Variants in SSRP1 observed in about 807,000 individuals in gnomAD.
SSRP1 encodes the protein structure specific recognition protein 1.
In SSRP1, 21 loss-of-function variants were observed where a neutral mutation model predicts 84.4. The ratio of observed to expected loss-of-function variants is 0.25; its 90% CI spans 0.18 to 0.36. SSRP1 has a LOEUF of 0.36. Ranked by LOEUF, SSRP1 falls within the 10% of genes least tolerant of loss-of-function variation. SSRP1 has a pLI of 1.00. For missense variants in SSRP1, 519 were observed against 900.8 expected, an observed-to-expected ratio of 0.58 and a Z score of 5.43; for synonymous variants, 319 against 318.3, an observed-to-expected ratio of 1.00 and a Z score of -0.02.
intron 13 of SSRP1, 116 bp from the exon 14 acceptor site, chr11:57,327,998 C>T (rs1426907472): frequency 2.5e-5 from 32 of 1,300,014 alleles, no homozygotes; most frequent in Middle Eastern, 2.0e-4. Context: ...TAGCATCAGG[C>T]GAGACGAGAG....
chr11:57,330,723 T>C lies in SSRP1; in HGVS notation c.1296+132A>G, dbSNP rs567255132. ...AACCTGCACCAGGAGGGGGAAAGGG[T>C]CACACGCACCTCTTTTTTCTATAAG... On this transcript the variant is annotated intron_variant, in intron 10 of 16. Coordinates refer to ENST00000278412, the MANE Select transcript of SSRP1 (RefSeq NM_003146.3). This position sits in a 1 kb window ranked among gnomAD's most constrained non-coding sequence, Gnocchi z 4.0. The C allele has an allele frequency of 6.6e-7, 1 of 1,513,898 alleles. No homozygotes were observed. Among genetic ancestry groups the C allele is most frequent in the Non-Finnish European group, 8.8e-7 (1 of 1,131,544 alleles). The allele number at this position is 1,513,898 out of a possible 1,614,324, so 93.8% of individuals were successfully genotyped here.
At position 57,326,765 on chromosome 11, in the gene SSRP1, C is replaced by T. The variant is rs1463672036; in HGVS notation, c.1996G>A (p.Val666Met). 2 of 1,614,150 alleles carry T rather than the reference C, an allele frequency of 1.2e-6. No homozygotes were observed. Among genetic ancestry groups the T allele is most frequent in the Non-Finnish European group, 1.7e-6 (2 of 1,180,052 alleles). ...LSESFKSKEF[V>M]SSDESSSGEN... is the part of the protein sequence containing the mutation. ...CCCGAAGAGCTCTCATCACTAGACA[C>T]AAACTCTTTGCTCTTGAAGCTCTCG... Residue 666 changes from valine to methionine, a missense_variant, in exon 16 of 17, where the codon GTG becomes ATG. By Grantham distance (21) the Val-to-Met change is conservative. Around this residue, in one of 7 missense-constraint regions of SSRP1, gnomAD observed 197 missense variants for 265.0 expected, o/e 0.74. Transcript: ENST00000278412.
chr11:57,327,737 T>G lies in SSRP1; in HGVS notation c.1757A>C (p.Lys586Thr). 6.2e-7 allele frequency: 1 copy of G among 1,614,102 alleles called. No homozygotes were observed. The highest frequency in any genetic ancestry group is 8.5e-7 in the Non-Finnish European group (1 of 1,180,022). ...DLSKKAGEIW[K>T]GMSKEKKEEW... ...CTCTTTCTTCTCTTTGGACATTCCC[T>G]TCCAGATCTCGCCTGCCTTCTTGGA... is the stretch of plus-strand genomic sequence containing the variant. Residue 586 changes from lysine to threonine, a missense_variant, in exon 14 of 17, where the codon AAG (lysine) becomes ACG (threonine). By Grantham distance (78) the Lys-to-Thr change is moderately conservative. Coordinates refer to ENST00000278412, the MANE Select transcript of SSRP1 (RefSeq NM_003146.3).
chr11:57,327,307 C>G (rs1168161304), intron 15 of SSRP1, 119 bp downstream of exon 15: 8 of 1,047,036 alleles, frequency 7.6e-6, no homozygotes, highest in Non-Finnish European at 1.2e-5. Context: ...GAAGCACTAC[C>G]CTACTGCAGT....
chr11:57,326,107 A>G lies in SSRP1; in HGVS notation c.*300T>C. 2.4e-6 allele frequency: 1 copy of G among 422,338 alleles called. No individual in the cohort carries two copies. 26.2% of individuals were successfully genotyped at this position (422,338 alleles called of 1,614,324 possible). On this transcript the variant is annotated 3_prime_UTR_variant, in exon 17 of 17. Coordinates refer to ENST00000278412, the MANE Select transcript of SSRP1 (RefSeq NM_003146.3). ...GCCTCACATGACCCCTGCTCCAGCA[A>G]CTTGAACAGGACAAGCAGCAGCTAC...
In SSRP1 at chr11:57,335,572, T is replaced by G. The variant is rs1265984278; in HGVS notation, c.-120+158A>C. 5.1e-6 allele frequency: 1 copy of G among 195,456 alleles called. No individual in the cohort carries two copies. The highest frequency in any genetic ancestry group is 2.3e-5 in the African/African-American group (1 of 43,590). 12.1% of individuals were successfully genotyped at this position (195,456 alleles called of 1,614,324 possible). A position where few individuals can be genotyped will look rare whatever the true frequency, so the allele number is the denominator to read the frequency against. ...GAGTGCAGGGTTTCCCTCGCACCGC[T>G]CCCACCACCCCGCGGCCCCAGACCC... On this transcript the variant is annotated intron_variant, in intron 1 of 16. Transcript: ENST00000278412. This position sits in a 1 kb window ranked among gnomAD's most constrained non-coding sequence, Gnocchi z 4.6.
In SSRP1 at chr11:57,326,868, C is replaced by T; in HGVS notation, c.1893G>A (p.Lys631=). ...TCTTTTCCATCTTTACCTTTACTTT[C>T]TTCTTCTTCTTTGACTTGTCCCTGT... The part of the protein sequence containing the change: ...SSKRDKSKKK[K]KVKVKMEKKS... The change falls in exon 16 of 17, where the codon AAG becomes AAA. Residue 631 remains lysine, a synonymous_variant. Transcript: ENST00000278412. The T allele has an allele frequency of 6.2e-7, 1 of 1,604,170 alleles. No individual in the cohort carries two copies. Among genetic ancestry groups the T allele is most frequent in the Non-Finnish European group, 8.5e-7 (1 of 1,174,962 alleles).
rs781259473 is a variant in SSRP1 at position 57,332,718 on chromosome 11, C to A, written c.675G>T (p.Leu225=). The A allele has an allele frequency of 9.3e-6, 15 of 1,613,942 alleles. No individual in the cohort carries two copies. Among genetic ancestry groups the A allele is most frequent in the Non-Finnish European group, 1.3e-5 (15 of 1,180,048 alleles). Residue 225 remains leucine, a synonymous_variant, in exon 6 of 17, where the codon CTG becomes CTT. Coordinates refer to ENST00000278412, the MANE Select transcript of SSRP1 (RefSeq NM_003146.3). This position sits in a 1 kb window ranked among gnomAD's most constrained non-coding sequence, Gnocchi z 5.5. ...TCTTGTAGTCAAAGGTCTTGCCATG[C>A]AGGTGCAGAAAGGTGGGGTAGATCC... The part of the protein sequence containing the change: ...DIRIYPTFLH[L]HGKTFDYKIP...
rs778729316 is a variant in SSRP1 at position 57,326,368 on chromosome 11, G to C, written c.*39C>G. ...CAAAATATGGGTGGGGAGTCGGGGG[G>C]TGTGAGAAGGCAAGCGCAAAGAGAA... is the stretch of plus-strand genomic sequence containing the variant. On this transcript the variant is annotated 3_prime_UTR_variant, in exon 17 of 17. Transcript: ENST00000278412. The C allele has an allele frequency of 1.3e-6, 2 of 1,595,396 alleles. No individual in the cohort carries two copies. Among genetic ancestry groups the C allele is most frequent in the Non-Finnish European group, 1.7e-6 (2 of 1,163,680 alleles).
At position 57,326,291 on chromosome 11, in the gene SSRP1, GT is replaced by G; in HGVS notation, c.*115del. The stretch of plus-strand genomic sequence containing the variant: ...GACATACACACCAACAGGAGAGCAT[GT>G]TCAGATGGCACAGAATCCAGGGACT... On this transcript the variant is annotated 3_prime_UTR_variant, in exon 17 of 17. Coordinates refer to ENST00000278412, the MANE Select transcript of SSRP1 (RefSeq NM_003146.3). The G allele has an allele frequency of 1.0e-6, 1 of 987,034 alleles. No homozygotes were observed. The highest frequency in any genetic ancestry group is 1.6e-6 in the Non-Finnish European group (1 of 632,228). The allele number at this position is 987,034 out of a possible 1,614,324, so 61.1% of individuals were successfully genotyped here.
intron 3 of SSRP1, 24 bp downstream of exon 3, chr11:57,334,439 G>A (rs753479164): frequency 6.2e-6 from 10 of 1,611,056 alleles, no homozygotes; most frequent in Non-Finnish European, 8.5e-7. Flanking sequence ...TAAAAAGGAG[G>A]CTTATAGCCA....
At position 57,332,133 on chromosome 11, in the gene SSRP1, C is replaced by T; in HGVS notation, c.1001+19G>A. On this transcript the variant is annotated intron_variant, in intron 8 of 16. Transcript: ENST00000278412. The surrounding 1 kb of genome is among the most constrained non-coding windows in gnomAD (Gnocchi z 5.5). ...TTCCCATACCCAGGCAGGGCAGGAT[C>T]CCAGGCCCACACTCTCACCCTTGGA... 1 of 1,612,992 alleles carries T rather than the reference C, an allele frequency of 6.2e-7. No homozygotes were observed. Among genetic ancestry groups the T allele is most frequent in the Non-Finnish European group, 8.5e-7 (1 of 1,179,868 alleles).
intron 12 of SSRP1, 69 bp from the exon 13 acceptor site, chr11:57,328,495 G>T: frequency 6.3e-7 from 1 of 1,588,972 alleles, no homozygotes. Flanking sequence ...AGGACAGGAG[G>T]AAGACAAATC....
Position 57,327,776 on chromosome 11 carries a change from C to G in SSRP1, c.1718G>C (p.Ser573Thr). ...TGCCTTCTTGGAAAGATCCGTGATG[C>G]TGATGCCAGGATGGTCTGACTTGAT... ...EKIKSDHPGI[S>T]ITDLSKKAGE... is the part of the protein sequence containing the mutation. Residue 573 changes from serine to threonine, a missense_variant, in exon 14 of 17, where the codon AGC becomes ACC. By Grantham distance (58) the Ser-to-Thr change is moderately conservative. Coordinates refer to ENST00000278412, the MANE Select transcript of SSRP1 (RefSeq NM_003146.3). The G allele has an allele frequency of 6.2e-7, 1 of 1,614,156 alleles. No homozygotes were observed. Among genetic ancestry groups the G allele is most frequent in the Non-Finnish European group, 8.5e-7 (1 of 1,180,038 alleles).
Position 57,330,247 on chromosome 11 carries a change from G to T in SSRP1, c.1435+44C>A. 1 of 1,614,156 alleles carries T rather than the reference G, an allele frequency of 6.2e-7. No homozygotes were observed. The highest frequency in any genetic ancestry group is 8.5e-7 in the Non-Finnish European group (1 of 1,180,004). On this transcript the variant is annotated intron_variant, in intron 11 of 16. Transcript: ENST00000278412. This position sits in a 1 kb window ranked among gnomAD's most constrained non-coding sequence, Gnocchi z 4.0. ...GTGAGTCCAGCCCGGGCCACAGCGA[G>T]GAGCGTCTGACCATCCTCGTGCTCA...
At chr11:57,327,052 T>G in intron 15 of SSRP1, 163 bp from the exon 16 acceptor site, 1 of 1,301,220 alleles carries the variant, frequency 7.7e-7, no homozygotes, top group Non-Finnish European at 1.0e-6. Flanking sequence ...AGGGAGAGTA[T>G]CATGAGTACA....
rs566843539 is a variant in SSRP1, at chr11:57,330,996, T to C, written c.1224-69A>G. 2.6e-6 allele frequency: 4 copies of C among 1,551,362 alleles called. No individual in the cohort carries two copies. The highest frequency in any genetic ancestry group is 1.1e-5 in the South Asian group (1 of 89,622). ...CACAGGGGCACACTAAACAATGTTC[T>C]GATTCCATGAGCTGGGGTAGACTGT... On this transcript the variant is annotated intron_variant, in intron 9 of 16. Transcript: ENST00000278412. The surrounding 1 kb of genome is among the most constrained non-coding windows in gnomAD (Gnocchi z 4.0).
rs938329945 is a variant in SSRP1, at chr11:57,326,246, C to T, written c.*161G>A. On this transcript the variant is annotated 3_prime_UTR_variant, in exon 17 of 17. Coordinates refer to ENST00000278412, the MANE Select transcript of SSRP1 (RefSeq NM_003146.3). Reference sequence around the variant, plus strand: ...TCCTTGGGAAGCAGCAGAGTTAAGACGTCTCCCCACTGCCCTAGTGACATA... The same window carrying T: ...TCCTTGGGAAGCAGCAGAGTTAAGATGTCTCCCCACTGCCCTAGTGACATA... 8 of 673,398 alleles carry T rather than the reference C, an allele frequency of 1.2e-5. No homozygotes were observed. In the African/African-American group the frequency reaches 1.3e-4, roughly 11 times the overall value. The allele number at this position is 673,398 out of a possible 1,614,324, so 41.7% of individuals were successfully genotyped here. A position where few individuals can be genotyped will look rare whatever the true frequency, so the allele number is the denominator to read the frequency against.
chr11:57,328,154 C>G (rs1463689437), intron 13 of SSRP1, 143 bp downstream of exon 13: 1 of 1,350,548 alleles, frequency 7.4e-7, no homozygotes, highest in Non-Finnish European at 1.0e-6. Context: ...AGATAACCCT[C>G]AAGGCTATAA....
Sources: allele counts gnomAD v4.1 joint callset, GRCh38; gene constraint gnomAD v4.1.1; regional missense constraint gnomAD v4.1.1; non-coding constraint Gnocchi (gnomAD v3.1); transcripts MANE v1.5; gene names NCBI Gene and HGNC (gene_info 2026-07-23, HGNC 2026-07-21).